Variants in ZNF746 observed in about 807,000 individuals in gnomAD.
ZNF746 encodes the protein zinc finger protein 746, also known as parkin-interacting substrate.
ZNF746 carries 13 observed loss-of-function variants against 41.0 expected under a neutral mutation model. The ratio of observed to expected loss-of-function variants is 0.32; its 90% CI spans 0.21 to 0.50. The LOEUF is 0.50. Ranked by LOEUF, ZNF746 falls within the 20% of genes least tolerant of loss-of-function variation. ZNF746 has a pLI of 0.98. For synonymous variants in ZNF746, 424 were observed against 396.2 expected, an observed-to-expected ratio of 1.07 and a Z score of -0.83; for missense variants, 811 against 922.9, an observed-to-expected ratio of 0.88 and a Z score of 1.57.
At chr7:149,483,625 A>G (rs1800543687) in intron 4 of ZNF746, among the ~76,000 whole-genome samples, 1 of 152,028 alleles carries the variant, frequency 6.6e-6, no homozygotes, top group Non-Finnish European at 1.5e-5. Context: ...AAAAAAAAAC[A>G]AAAACACAGG....
At chr7:149,496,577 ACGCCCTGCACT>A (rs1246865999) in intron 1 of ZNF746, among the ~76,000 whole-genome samples, 1 of 152,024 alleles carries the variant, frequency 6.6e-6, no homozygotes, top group African/African-American at 2.4e-5. Flanking sequence ...GTGCCTGCAC[ACGCCCTGCACT>A]GTCCCGTCTC....
chr7:149,474,997 T>C lies in ZNF746; in HGVS notation c.1370A>G (p.Lys457Arg), dbSNP rs758801696. ...CCCGGGGGGCGCCGCGGGGTGCTTCTTCAGCCCTGGCTTGTGGCCAAAGCC... is the reference window on the plus strand; with the variant it reads ...CCCGGGGGGCGCCGCGGGGTGCTTCCTCAGCCCTGGCTTGTGGCCAAAGCC... ...TKGFGHKPGL[K>R]KHPAAPPGGR... The change falls in exon 7 of 7, where the codon AAG (lysine) becomes AGG (arginine). Residue 457 changes from lysine to arginine, a missense_variant. Around this residue, in one of 4 missense-constraint regions of ZNF746, gnomAD observed 495 missense variants for 481.6 expected, o/e 1.03. Transcript: ENST00000458143. The surrounding 1 kb of genome is among the most constrained non-coding windows in gnomAD (Gnocchi z 6.3). 6.5e-7 allele frequency: 1 copy of C among 1,549,886 alleles called. No individual in the cohort carries two copies. Among genetic ancestry groups the C allele is most frequent in the African/African-American group, 1.4e-5 (1 of 73,320 alleles).
At position 149,475,345 on chromosome 7, in the gene ZNF746, T is replaced by C. The variant is rs535551377; in HGVS notation, c.1022A>G (p.Gln341Arg). Residue 341 changes from glutamine to arginine, a missense_variant, in exon 7 of 7, where the codon CAG becomes CGG. Physicochemically the swap from Gln to Arg is conservative, Grantham distance 43. Coordinates refer to ENST00000458143, the MANE Select transcript of ZNF746 (RefSeq NM_001394198.1). ...QATRFFPSPA[Q>R]EGAWESQGSS... is the part of the protein sequence containing the mutation. ...GCCCTGGCTTTCCCAGGCTCCTTCC[T>C]GGGCAGGACTAGGGAAGAACCGTGT... 2 of 1,614,150 alleles carry C rather than the reference T, an allele frequency of 1.2e-6. No individual in the cohort carries two copies. Among genetic ancestry groups the C allele is most frequent in the East Asian group, 2.2e-5 (1 of 44,850 alleles).
intron 3 of ZNF746, 116 bp from the exon 4 acceptor site, chr7:149,493,088 G>A: frequency 2.8e-6 from 2 of 716,936 alleles, no homozygotes; most frequent in Non-Finnish European, 4.7e-6. Flanking sequence ...CAAAGCAGTA[G>A]CTCTCAACCA....
chr7:149,496,898 G>A (rs1801016199), intron 1 of ZNF746: 2 of 985,402 alleles, frequency 2.0e-6, no homozygotes, highest in Middle Eastern at 5.2e-4. Context: ...CTTTCCAGCT[G>A]GGTAAGCCTG....
intron 4 of ZNF746, chr7:149,491,850 C>G (rs1800819739): frequency 5.7e-6 from 4 of 700,914 alleles, no homozygotes; most frequent in Non-Finnish European, 1.0e-5. Context: ...AATGACCCAG[C>G]AGGTCTTCAC....
At chr7:149,490,921 G>A (rs1254902330) in intron 4 of ZNF746, 2 of 152,652 alleles carry the variant, frequency 1.3e-5, no homozygotes, top group African/African-American at 4.8e-5. Flanking sequence ...AGTGGGCCTG[G>A]GCTCAAGACA....
intron 5 of ZNF746, among the ~76,000 whole-genome samples, 194 bp downstream of exon 5, chr7:149,477,370 G>C (rs994689321): frequency 6.6e-6 from 1 of 152,180 alleles, no homozygotes; most frequent in Non-Finnish European, 1.5e-5. Context: ...GACACCCAGG[G>C]ACAGCATCAG....
chr7:149,474,759 C>T lies in ZNF746; in HGVS notation c.1608G>A (p.Thr536=). 3.2e-6 allele frequency: 5 copies of T among 1,586,896 alleles called. No homozygotes were observed. The highest frequency in any genetic ancestry group is 4.5e-5 in the East Asian group (2 of 44,044). The change falls in exon 7 of 7, where the codon ACG becomes ACA. Residue 536 remains threonine, a synonymous_variant. Coordinates refer to ENST00000458143, the MANE Select transcript of ZNF746 (RefSeq NM_001394198.1). The surrounding 1 kb of genome is among the most constrained non-coding windows in gnomAD (Gnocchi z 6.3). ...GATGGCGGATGAGGTGCGCGGGGCG[C>T]GTGAAGCAACGGCCGCACTCCCCAC... is the stretch of plus-strand genomic sequence containing the variant. ...LRCGECGRCF[T]RPAHLIRHRM...
rs1384602514 is a variant in ZNF746 at position 149,473,073 on chromosome 7, G to A, written c.*1311C>T. 6.6e-6 allele frequency: 1 copy of A among 152,062 alleles called. No individual in the cohort carries two copies. Among genetic ancestry groups the A allele is most frequent in the Non-Finnish European group, 1.5e-5 (1 of 68,014 alleles). 9.4% of individuals were successfully genotyped at this position (152,062 alleles called of 1,614,324 possible). On this transcript the variant is annotated 3_prime_UTR_variant, in exon 7 of 7. Coordinates refer to ENST00000458143, the MANE Select transcript of ZNF746 (RefSeq NM_001394198.1). ...AGGAACAGCACTGTGGTCGAATCAA[G>A]AAATCTGGGCCCACCTTTATGATGT...
chr7:149,496,987 C>T, intron 1 of ZNF746: 1 of 985,430 alleles, frequency 1.0e-6, no homozygotes, highest in Non-Finnish European at 1.2e-6. Flanking sequence ...CACAGGCTTG[C>T]TGTGAGGACA....
chr7:149,487,365 G>C, intron 4 of ZNF746, among the ~76,000 whole-genome samples: 1 of 152,184 alleles, frequency 6.6e-6, no homozygotes, highest in East Asian at 1.9e-4. Context: ...TGGTTAGAAG[G>C]AAATGTCTTT....
chr7:149,485,451 C>T (rs977543729), intron 4 of ZNF746, among the ~76,000 whole-genome samples: 1 of 152,206 alleles, frequency 6.6e-6, no homozygotes, highest in Non-Finnish European at 1.5e-5. Context: ...GCAGGGTCTC[C>T]ACCTCATAGC....
At chr7:149,493,200 T>C (rs1457000835) in intron 3 of ZNF746, among the ~76,000 whole-genome samples, 3 of 152,156 alleles carry the variant, frequency 2.0e-5, no homozygotes, top group Non-Finnish European at 2.9e-5. Context: ...GGAGATGCCC[T>C]GAGAGGCCAG....
At chr7:149,485,288 G>A (rs1800591341) in intron 4 of ZNF746, among the ~76,000 whole-genome samples, 4 of 151,780 alleles carry the variant, frequency 2.6e-5, no homozygotes, top group Non-Finnish European at 4.4e-5. Context: ...ACTGAATATA[G>A]TAAAAGTGTC....
rs964898194 is a variant in ZNF746 at position 149,474,833 on chromosome 7, C to T, written c.1534G>A (p.Gly512Ser). 5 of 1,409,094 alleles carry T rather than the reference C, an allele frequency of 3.5e-6. No homozygotes were observed. The highest frequency in any genetic ancestry group is 1.5e-5 in the African/African-American group (1 of 65,412). 87.3% of individuals were successfully genotyped at this position (1,409,094 alleles called of 1,614,324 possible). ...GGGGSGSGGG[G>S]GGSGGGSARD... ...GCGCTGCCCCCACCGCTGCCGCCACCGCCGCCGCCACTGCCGCTGCCGCCA... is the reference window on the plus strand; with the variant it reads ...GCGCTGCCCCCACCGCTGCCGCCACTGCCGCCGCCACTGCCGCTGCCGCCA... Residue 512 changes from glycine (G) to serine (S), a missense_variant, in exon 7 of 7, where the codon GGT becomes AGT. Around this residue, in one of 4 missense-constraint regions of ZNF746, gnomAD observed 495 missense variants for 481.6 expected, o/e 1.03. Coordinates refer to ENST00000458143, the MANE Select transcript of ZNF746 (RefSeq NM_001394198.1). The surrounding 1 kb of genome is among the most constrained non-coding windows in gnomAD (Gnocchi z 6.3).
In ZNF746 at chr7:149,494,515, A is replaced by C. The variant is rs1800924952; in HGVS notation, c.25-12T>G. 2.5e-6 allele frequency: 4 copies of C among 1,612,420 alleles called. No individual in the cohort carries two copies. Among genetic ancestry groups the C allele is most frequent in the African/African-American group, 2.7e-5 (2 of 74,826 alleles). On this transcript the variant is annotated splice_polypyrimidine_tract_variant and intron_variant, in intron 1 of 6. Transcript: ENST00000458143. This position sits in a 1 kb window ranked among gnomAD's most constrained non-coding sequence, Gnocchi z 5.6. ...GTCCACGGAGAAATCTTTCAGAAACAAAAGAGAAACTGGCATCACTCATTC... is the reference window on the plus strand; with the variant it reads ...GTCCACGGAGAAATCTTTCAGAAACCAAAGAGAAACTGGCATCACTCATTC...
chr7:149,494,256 C>T lies in ZNF746; in HGVS notation c.272G>A (p.Arg91Lys). Residue 91 changes from arginine to lysine, a missense_variant, in exon 2 of 7, where the codon AGG becomes AAG. Arg to Lys is a conservative substitution (Grantham distance 26). Coordinates refer to ENST00000458143, the MANE Select transcript of ZNF746 (RefSeq NM_001394198.1). This position sits in a 1 kb window ranked among gnomAD's most constrained non-coding sequence, Gnocchi z 5.6. ...LENVENLLRN[R>K]NFWILRLPPG... is the part of the protein sequence containing the mutation. Reference sequence around the variant, plus strand: ...GGGCAGCCGCAGGATCCAGAAGTTCCTGTTGCGCAGCAGGTTCTCCACGTT... The same window carrying T: ...GGGCAGCCGCAGGATCCAGAAGTTCTTGTTGCGCAGCAGGTTCTCCACGTT... 1 of 1,614,136 alleles carries T rather than the reference C, an allele frequency of 6.2e-7. No individual in the cohort carries two copies. The highest frequency in any genetic ancestry group is 8.5e-7 in the Non-Finnish European group (1 of 1,180,014).
At chr7:149,483,159 C>T (rs184021985) in intron 4 of ZNF746, among the ~76,000 whole-genome samples, 4 of 152,090 alleles carry the variant, frequency 2.6e-5, no homozygotes, top group East Asian at 1.9e-4. Flanking sequence ...TAAAATATAC[C>T]GCTTTCTAAA....
Sources: gnomAD v4.1 joint callset for allele counts (sites outside exome capture counted in the v4.1 genomes callset) on GRCh38, gnomAD v4.1.1 for gene constraint, gnomAD v4.1.1 regional missense constraint, Gnocchi (gnomAD v3.1) non-coding constraint, MANE v1.5 for transcripts, NCBI Gene and HGNC (gene_info 2026-07-23, HGNC 2026-07-21) for gene names.